Variants in FYTTD1 observed in about 807,000 individuals in gnomAD.
FYTTD1 encodes the protein UAP56-interacting factor.
FYTTD1 carries 22 observed loss-of-function variants against 40.9 expected under a neutral mutation model. The observed-to-expected ratio is 0.54, with a 90% CI of 0.38 to 0.77. FYTTD1 has a LOEUF of 0.77. Ranked by LOEUF, FYTTD1 falls within the 30% of genes least tolerant of loss-of-function variation. FYTTD1 has a pLI of 0.00. For synonymous variants in FYTTD1, 140 were observed against 137.9 expected (o/e 1.01, Z -0.10); for missense variants, 351 against 392.2 (o/e 0.90, Z 0.89).
chr3:197,770,366 T>C, intron 4 of FYTTD1, 122 bp downstream of exon 4: 1 of 654,932 alleles, frequency 1.5e-6, no homozygotes, highest in Non-Finnish European at 2.7e-6. Context: ...GACAGATATT[T>C]GGGATGTCTA....
At position 197,755,762 on chromosome 3, in the gene FYTTD1, A is replaced by G. The variant is rs148567326; in HGVS notation, c.104-664A>G. On this transcript the variant is annotated intron_variant, in intron 1 of 8. Coordinates refer to ENST00000241502, the MANE Select transcript of FYTTD1 (RefSeq NM_032288.7). ...CTCAGCCTCCCAAAGTGCTGGGATT[A>G]TAGGTGTGAGTCACCATGCCTGGCC... 4.5e-3 allele frequency: 6,953 copies of G among 1,544,186 alleles called. 306 individuals carry two copies. In the African/African-American group the frequency reaches 0.085, roughly 19 times the overall value.
At chr3:197,749,595 C>T (rs749986532), upstream of FYTTD1, 242 of 1,214,464 alleles carry the variant, frequency 2.0e-4, no homozygotes, top group Non-Finnish European at 2.4e-4. Flanking sequence ...CTGTCTGCAG[C>T]AGGAGGGACT....
At chr3:197,779,852 A>G (rs1187331583) in intron 8 of FYTTD1, among the ~76,000 whole-genome samples, 1 of 145,498 alleles carries the variant, frequency 6.9e-6, no homozygotes, top group East Asian at 2.0e-4. Flanking sequence ...AGGCACACAC[A>G]CTACACCTGG....
chr3:197,769,508 G>C (rs934399215), intron 3 of FYTTD1, among the ~76,000 whole-genome samples: 8 of 152,332 alleles, frequency 5.3e-5, no homozygotes, highest in Admixed American at 2.6e-4. Context: ...CTTTAGAGAA[G>C]TCTTTATGGA....
chr3:197,759,248 G>T (rs1580449038), intron 2 of FYTTD1, among the ~76,000 whole-genome samples: 1 of 150,334 alleles, frequency 6.7e-6, no homozygotes, highest in Non-Finnish European at 1.5e-5. Flanking sequence ...TTCTTCAGTG[G>T]TAGAAAGTAT....
rs754420945 is a variant in FYTTD1 at position 197,756,578 on chromosome 3, T to G, written c.235+21T>G. On this transcript the variant is annotated intron_variant, in intron 2 of 8. Transcript: ENST00000241502. ...TTCTGGTAAGTTTTGAAAGTAAGCT[T>G]TAATGGAAAGCTGTTATTTGTGTGT... The G allele has an allele frequency of 1.9e-6, 3 of 1,606,630 alleles. No individual in the cohort carries two copies. In the African/African-American group the frequency reaches 4.0e-5, roughly 21 times the overall value.
intron 5 of FYTTD1, among the ~76,000 whole-genome samples, chr3:197,773,750 G>A (rs1729785155): frequency 6.6e-6 from 1 of 152,230 alleles, no homozygotes. Flanking sequence ...TCGTTCTCAT[G>A]TAGGAATTCC....
rs1730107892 is a variant in FYTTD1, at chr3:197,784,384, G to A, written c.*2475G>A. The A allele has an allele frequency of 6.6e-6, 1 of 152,160 alleles. No homozygotes were observed. The highest frequency in any genetic ancestry group is 2.4e-5 in the African/African-American group (1 of 41,428). 9.4% of individuals were successfully genotyped at this position (152,160 alleles called of 1,614,324 possible). On this transcript the variant is annotated 3_prime_UTR_variant, in exon 9 of 9. Coordinates refer to ENST00000241502, the MANE Select transcript of FYTTD1 (RefSeq NM_032288.7). Reference sequence around the variant, plus strand: ...TTTGTAGTGGTTATCTATATTTGTAGTTTTTAGGGTGTGAAACCTTATCTA... The same window carrying A: ...TTTGTAGTGGTTATCTATATTTGTAATTTTTAGGGTGTGAAACCTTATCTA...
intron 2 of FYTTD1, 92 bp from the exon 3 acceptor site, chr3:197,768,347 A>G: frequency 1.1e-6 from 1 of 878,684 alleles, no homozygotes; most frequent in South Asian, 2.2e-5. Context: ...AAATGTTCAT[A>G]AGTTCCCCCT....
At chr3:197,751,782 ACT>A (rs1233170084) in intron 1 of FYTTD1, among the ~76,000 whole-genome samples, 2 of 152,022 alleles carry the variant, frequency 1.3e-5, no homozygotes, top group South Asian at 2.1e-4. Flanking sequence ...CCTCGTCATA[ACT>A]CTGTGAGGAT....
Position 197,785,518 on chromosome 3 carries a change from T to C in FYTTD1, c.*3609T>C, listed in dbSNP as rs1388115478. 6.6e-6 allele frequency: 1 copy of C among 152,162 alleles called. No homozygotes were observed. Among genetic ancestry groups the C allele is most frequent in the Non-Finnish European group, 1.5e-5 (1 of 68,042 alleles). The allele number at this position is 152,162 out of a possible 1,614,324, so 9.4% of individuals were successfully genotyped here. A position where few individuals can be genotyped will look rare whatever the true frequency, so the allele number is the denominator to read the frequency against. ...GAGTTTTTATTAGACTAGGTATGTA[T>C]ATCATTATTAATATTTTACTGTAAA... On this transcript the variant is annotated 3_prime_UTR_variant, in exon 9 of 9. Coordinates refer to ENST00000241502, the MANE Select transcript of FYTTD1 (RefSeq NM_032288.7).
At chr3:197,759,734 G>A (rs563144793) in intron 2 of FYTTD1, among the ~76,000 whole-genome samples, 130 of 145,718 alleles carry the variant, frequency 8.9e-4, no homozygotes, top group African/African-American at 3.3e-3. Flanking sequence ...AACGTATAGC[G>A]TGTTCTTCAG....
At chr3:197,751,576 G>T (rs1386364904) in intron 1 of FYTTD1, among the ~76,000 whole-genome samples, 1 of 152,148 alleles carries the variant, frequency 6.6e-6, no homozygotes, top group East Asian at 1.9e-4. Flanking sequence ...GGATGTTGCA[G>T]TGAGCCGATT....
chr3:197,768,320 A>T lies in FYTTD1; in HGVS notation c.236-119A>T, dbSNP rs563307958. On this transcript the variant is annotated intron_variant, in intron 2 of 8. Transcript: ENST00000241502. Reference sequence around the variant, plus strand: ...AAGTATTTTATGTAATTTAAAAAACATAAATAATAACATAATAAATGTTCA... The same window carrying T: ...AAGTATTTTATGTAATTTAAAAAACTTAAATAATAACATAATAAATGTTCA... 25 of 683,120 alleles carry T rather than the reference A, an allele frequency of 3.7e-5. No homozygotes were observed. The South Asian group carries it at 4.6e-4, about 13-fold the overall frequency. 42.3% of individuals were successfully genotyped at this position (683,120 alleles called of 1,614,324 possible).
At chr3:197,749,775 G>C (rs1292964960), upstream of FYTTD1, 2 of 558,400 alleles carry the variant, frequency 3.6e-6, no homozygotes, top group Non-Finnish European at 3.3e-6. Context: ...CGCTAGGAGC[G>C]AGTCACGGCG....
intron 4 of FYTTD1, among the ~76,000 whole-genome samples, chr3:197,771,568 A>T (rs1729716832): frequency 6.6e-6 from 1 of 151,358 alleles, no homozygotes; most frequent in South Asian, 2.1e-4. Context: ...CGAGGTCAGG[A>T]GATCGAGACC....
At chr3:197,766,858 A>G (rs886233036) in intron 2 of FYTTD1, among the ~76,000 whole-genome samples, 2 of 152,200 alleles carry the variant, frequency 1.3e-5, no homozygotes, top group Non-Finnish European at 2.9e-5. Flanking sequence ...AAAATTGAGA[A>G]TTACTACAGA....
rs548900345 is a variant in FYTTD1, at chr3:197,762,834, A to G, written c.236-5605A>G. Among the ~76,000 whole-genome samples, 13 of 152,140 alleles carry G rather than the reference A, an allele frequency of 8.5e-5. No individual in the cohort carries two copies. In the East Asian group the frequency reaches 1.6e-3, roughly 18 times the overall value. ...CAGGCGGAGCTTGCAGTGAGCCGAGATCGCGGCCACTGCACTCCAGCCTGG... is the reference window on the plus strand; with the variant it reads ...CAGGCGGAGCTTGCAGTGAGCCGAGGTCGCGGCCACTGCACTCCAGCCTGG... On this transcript the variant is annotated intron_variant, in intron 2 of 8. Coordinates refer to ENST00000241502, the MANE Select transcript of FYTTD1 (RefSeq NM_032288.7).
At position 197,749,961 on chromosome 3, in the gene FYTTD1, C is replaced by T. The variant is rs907184919; in HGVS notation, c.-11C>T. On this transcript the variant is annotated 5_prime_UTR_variant, in exon 1 of 9. It adds an upstream start codon to the 5' untranslated region. Coordinates refer to ENST00000241502, the MANE Select transcript of FYTTD1 (RefSeq NM_032288.7). The stretch of plus-strand genomic sequence containing the variant: ...TTGTCCGCGCCCGCTCTCGGCGCGA[C>T]GTCTCCAGCCATGAACCGGTTTGGT... 3.2e-6 allele frequency: 5 copies of T among 1,553,312 alleles called. No individual in the cohort carries two copies. The Admixed American group carries it at 5.5e-5, about 17-fold the overall frequency.
Sources: allele counts gnomAD v4.1 joint callset (sites outside exome capture counted in the v4.1 genomes callset), GRCh38; gene constraint gnomAD v4.1.1; transcripts MANE v1.5; gene names NCBI Gene and HGNC (gene_info 2026-07-23, HGNC 2026-07-21).